Variants in RBM19 observed in about 807,000 individuals in gnomAD.
RBM19 encodes the protein RNA binding motif protein 19.
Under a neutral mutation model 116.8 loss-of-function variants are expected in RBM19, and 94 were observed. The ratio of observed to expected loss-of-function variants is 0.80; its 90% CI spans 0.68 to 0.95. The LOEUF (loss-of-function observed/expected upper bound fraction) is 0.95, where lower values mean the gene tolerates loss of function less well. Ranked by LOEUF, RBM19 falls within the 40% of genes least tolerant of loss-of-function variation. The probability of loss-of-function intolerance (pLI) is 0.00; values close to 1 mark genes in which losing one functional copy is unlikely to be tolerated. For synonymous variants in RBM19, 475 were observed against 494.1 expected, an observed-to-expected ratio of 0.96 and a Z score of 0.51; for missense variants, 1,161 against 1,220.7, an observed-to-expected ratio of 0.95 and a Z score of 0.73.
intron 23 of RBM19, among the ~76,000 whole-genome samples, chr12:113,843,473 C>G (rs1406339404): frequency 2.0e-5 from 3 of 152,214 alleles, no homozygotes; most frequent in Non-Finnish European, 4.4e-5. Flanking sequence ...ACAGACAGGA[C>G]TGTTCCCCAT....
At chr12:113,924,840 A>C in intron 17 of RBM19, 83 bp from the exon 18 acceptor site, 2 of 1,169,212 alleles carry the variant, frequency 1.7e-6, no homozygotes, top group Non-Finnish European at 2.6e-6. Context: ...ATACCCCCAA[A>C]TTTGCCATAT....
At chr12:113,865,132 TC>T (rs1878706366) in intron 21 of RBM19, among the ~76,000 whole-genome samples, 1 of 152,204 alleles carries the variant, frequency 6.6e-6, no homozygotes, top group South Asian at 2.1e-4. Context: ...TTTCTTGCTC[TC>T]CAATCTTATC....
intron 16 of RBM19, among the ~76,000 whole-genome samples, chr12:113,934,588 C>T (rs183213065): frequency 2.0e-5 from 3 of 152,266 alleles, no homozygotes; most frequent in Non-Finnish European, 2.9e-5. Context: ...AATGGGGTCT[C>T]GGCATGTGGA....
At position 113,957,859 on chromosome 12, in the gene RBM19, C is replaced by T; in HGVS notation, c.763G>A (p.Glu255Lys). ...EDSSATPVLQ[E>K]RDSKGAGQEQ... is the part of the protein sequence containing the mutation. Reference sequence around the variant, plus strand: ...TGGCCTGCACCCTTGCTGTCTCTTTCCTGCAGGACTGGGGTGGCGGAGGAA... The same window carrying T: ...TGGCCTGCACCCTTGCTGTCTCTTTTCTGCAGGACTGGGGTGGCGGAGGAA... Residue 255 changes from glutamate to lysine, a missense_variant, in exon 6 of 24, where the codon GAA (glutamate) becomes AAA (lysine). Coordinates refer to ENST00000261741, the MANE Select transcript of RBM19 (RefSeq NM_016196.4). The T allele has an allele frequency of 6.2e-7, 1 of 1,614,098 alleles. No homozygotes were observed. Among genetic ancestry groups the T allele is most frequent in the Non-Finnish European group, 8.5e-7 (1 of 1,179,994 alleles).
intron 21 of RBM19, among the ~76,000 whole-genome samples, chr12:113,871,830 C>T (rs545579093): frequency 7.9e-5 from 12 of 152,110 alleles, no homozygotes; most frequent in African/African-American, 2.9e-4. Context: ...CGGCGAGCGC[C>T]GCCCGGGAGG....
chr12:113,886,696 GT>G (rs1298059989), intron 21 of RBM19, among the ~76,000 whole-genome samples: 5 of 152,062 alleles, frequency 3.3e-5, no homozygotes, highest in Non-Finnish European at 5.9e-5. Flanking sequence ...TTTTGTTTTT[GT>G]TTTTGTTTTA....
At chr12:113,869,407 C>A (rs901008607) in intron 21 of RBM19, among the ~76,000 whole-genome samples, 1 of 152,192 alleles carries the variant, frequency 6.6e-6, no homozygotes, top group African/African-American at 2.4e-5. Context: ...GCATGCTCCT[C>A]CTCTCAGGAG....
chr12:113,934,929 C>T (rs1475357200), intron 16 of RBM19, among the ~76,000 whole-genome samples: 1 of 152,200 alleles, frequency 6.6e-6, no homozygotes, highest in Non-Finnish European at 1.5e-5. Flanking sequence ...ACTCCCTTGA[C>T]ACCTGTGAAC....
intron 22 of RBM19, among the ~76,000 whole-genome samples, chr12:113,848,892 C>G (rs949095310): frequency 1.3e-5 from 2 of 152,146 alleles, no homozygotes; most frequent in East Asian, 1.9e-4. Flanking sequence ...TTTGTGGCAT[C>G]GAAGGCCTTC....
At chr12:113,945,972 G>A in intron 12 of RBM19, 48 bp from the exon 13 acceptor site, 1 of 1,477,336 alleles carries the variant, frequency 6.8e-7, no homozygotes, top group East Asian at 2.3e-5. Context: ...GCTGGATGAG[G>A]GGAACTCGTT....
intron 21 of RBM19, among the ~76,000 whole-genome samples, chr12:113,908,907 G>A (rs1455195594): frequency 6.6e-6 from 1 of 152,232 alleles, no homozygotes; most frequent in East Asian, 1.9e-4. Flanking sequence ...AGGCACCTGT[G>A]GACATGACAG....
intron 23 of RBM19, among the ~76,000 whole-genome samples, chr12:113,836,228 T>G (rs966266974): frequency 6.6e-6 from 1 of 150,860 alleles, no homozygotes; most frequent in Admixed American, 6.6e-5. Context: ...GGGAGGGAGG[T>G]GCGGGGCAGT....
chr12:113,893,865 A>C (rs1881125932), intron 21 of RBM19, among the ~76,000 whole-genome samples: 1 of 152,248 alleles, frequency 6.6e-6, no homozygotes, highest in Non-Finnish European at 1.5e-5. Context: ...CTCAGGAGCG[A>C]CACAGGGCCA....
downstream of RBM19, among the ~76,000 whole-genome samples, chr12:113,820,107 GATCA>G (rs567830234): frequency 3.0e-3 from 464 of 152,186 alleles, 1 homozygote; most frequent in Admixed American, 5.8e-3. Context: ...CAGACGAACT[GATCA>G]GGAGTCTGTC....
intron 18 of RBM19, among the ~76,000 whole-genome samples, chr12:113,923,193 G>C (rs1430758666): frequency 6.6e-6 from 1 of 152,156 alleles, no homozygotes; most frequent in East Asian, 1.9e-4. Flanking sequence ...AATATGATTG[G>C]ATGACTGCTG....
At chr12:113,862,186 C>T (rs1041838183) in intron 21 of RBM19, among the ~76,000 whole-genome samples, 4 of 152,186 alleles carry the variant, frequency 2.6e-5, no homozygotes, top group Non-Finnish European at 5.9e-5. Context: ...CCAATGAGTG[C>T]CTGCAATATG....
intron 21 of RBM19, among the ~76,000 whole-genome samples, chr12:113,905,548 A>G (rs1217927617): frequency 6.6e-6 from 1 of 152,156 alleles, no homozygotes; most frequent in Non-Finnish European, 1.5e-5. Context: ...CAGAGGAGGC[A>G]AGGATCTCTT....
chr12:113,920,352 C>G (rs1042179563), intron 19 of RBM19, among the ~76,000 whole-genome samples: 2 of 152,224 alleles, frequency 1.3e-5, no homozygotes. Flanking sequence ...CTCTCCCAGG[C>G]CTACCACCAC....
chr12:113,830,425 C>T (rs143801468), intron 23 of RBM19, among the ~76,000 whole-genome samples: 219 of 152,032 alleles, frequency 1.4e-3, no homozygotes, highest in African/African-American at 5.0e-3. Flanking sequence ...GAGAGTGGGT[C>T]GGTGGGTGGA....
Sources: gnomAD v4.1 joint callset for allele counts (sites outside exome capture counted in the v4.1 genomes callset) on GRCh38, gnomAD v4.1.1 for gene constraint, MANE v1.5 for transcripts, NCBI Gene and HGNC (gene_info 2026-07-23, HGNC 2026-07-21) for gene names.